The following TAFA2 variants were observed in gnomAD, a reference collection of about 807,000 sequenced individuals.
TAFA2 encodes the protein chemokine-like protein TAFA-2.
A neutral mutation model predicts 18.8 loss-of-function variants in TAFA2; 7 were observed. The ratio of observed to expected loss-of-function variants is 0.37; its 90% CI spans 0.21 to 0.70. TAFA2 has a LOEUF of 0.70. Among genes scored for constraint, TAFA2 ranks in the 30% least tolerant of loss-of-function variants. The probability of loss-of-function intolerance (pLI) is 0.53; values close to 1 mark genes in which losing one functional copy is unlikely to be tolerated. For synonymous variants in TAFA2, 60 were observed against 54.2 expected (o/e 1.11, Z -0.47); for missense variants, 122 against 158.1 (o/e 0.77, Z 1.23).
chr12:61,834,981 T>G (rs1872860603), intron 2 of TAFA2, among the ~76,000 whole-genome samples: 1 of 151,988 alleles, frequency 6.6e-6, no homozygotes, highest in South Asian at 2.1e-4. Context: ...TAATTTTTCT[T>G]CCTCTGTGAC....
At chr12:61,927,836 G>C (rs2121385048) in intron 1 of TAFA2, among the ~76,000 whole-genome samples, 1 of 152,238 alleles carries the variant, frequency 6.6e-6, no homozygotes, top group South Asian at 2.1e-4. Context: ...AAACAGAACA[G>C]AGGCCTCAGA....
intron 1 of TAFA2, among the ~76,000 whole-genome samples, chr12:62,041,049 T>C (rs1881743889): frequency 6.6e-6 from 1 of 152,186 alleles, no homozygotes; most frequent in African/African-American, 2.4e-5. Flanking sequence ...ACCGTTTTTA[T>C]CATTTGTTCT....
At chr12:61,876,824 TTCTC>T (rs71872168) in intron 1 of TAFA2, among the ~76,000 whole-genome samples, 3,628 of 152,302 alleles carry the variant, frequency 0.024, 71 homozygotes, top group Non-Finnish European at 0.032. Context: ...GAATTCACAC[TTCTC>T]TCTGAGAATA....
At chr12:61,901,259 C>CTTT (rs1203233805) in intron 1 of TAFA2, among the ~76,000 whole-genome samples, 8 of 10,900 alleles carry the variant, frequency 7.3e-4, no homozygotes, top group South Asian at 2.1e-3. Flanking sequence ...TTCAATTTCA[C>CTTT]TTTTTTTTTT....
chr12:61,782,060 T>C (rs75639771), intron 2 of TAFA2, among the ~76,000 whole-genome samples: 6,919 of 151,654 alleles, frequency 0.046, 497 homozygotes, highest in African/African-American at 0.16. Flanking sequence ...AATACATGCC[T>C]ACTAAAGATG....
At chr12:61,867,198 C>A in intron 2 of TAFA2, 122 bp downstream of exon 2, 1 of 639,946 alleles carries the variant, frequency 1.6e-6, no homozygotes, top group African/African-American at 1.9e-5. Context: ...TTAAAGAAAA[C>A]TGCCAGGGGG....
chr12:61,952,647 CTCT>C (rs1349734125), intron 1 of TAFA2, among the ~76,000 whole-genome samples: 3 of 152,094 alleles, frequency 2.0e-5, no homozygotes, highest in Non-Finnish European at 1.5e-5. Context: ...ACGTCTTTAT[CTCT>C]TTATATATAA....
chr12:61,887,555 G>A (rs1311217860), intron 1 of TAFA2, among the ~76,000 whole-genome samples: 2 of 149,368 alleles, frequency 1.3e-5, no homozygotes, highest in South Asian at 2.2e-4. Flanking sequence ...TCTAGCATTA[G>A]GTATATCTCC....
intron 1 of TAFA2, among the ~76,000 whole-genome samples, chr12:62,221,657 T>C (rs925304361): frequency 1.1e-4 from 17 of 152,314 alleles, no homozygotes; most frequent in African/African-American, 4.1e-4. Context: ...CCCTAACCTC[T>C]CATTGATTCA....
Position 61,949,217 on chromosome 12 carries a change from G to A in TAFA2, c.-1-81791C>T, listed in dbSNP as rs1583846. 9.6e-3 allele frequency among the ~76,000 whole-genome samples: 1,466 copies of A among 152,198 alleles called. 38 individuals carry two copies. The highest frequency in any genetic ancestry group is 0.033 in the African/African-American group (1,380 of 41,524). On this transcript the variant is annotated intron_variant, in intron 1 of 4. Coordinates refer to ENST00000416284, the MANE Select transcript of TAFA2 (RefSeq NM_178539.5). ...AGGCTGACCCTCCCATGAGTAAGAG[G>A]GAACATGTTCTGCTTGACTGTGTGA...
chr12:61,719,168 C>G (rs985259689), intron 4 of TAFA2, among the ~76,000 whole-genome samples: 1 of 152,162 alleles, frequency 6.6e-6, no homozygotes, highest in Non-Finnish European at 1.5e-5. Flanking sequence ...TTAAGCCAAG[C>G]TAACTTTGGA....
intron 1 of TAFA2, among the ~76,000 whole-genome samples, chr12:61,938,230 T>TAAA (rs1157161976): frequency 0.054 from 5,277 of 98,248 alleles, 192 homozygotes; most frequent in African/African-American, 0.11. Context: ...ATAGATATGG[T>TAAA]AAAAAAAAAA....
chr12:62,104,274 A>T, intron 1 of TAFA2, among the ~76,000 whole-genome samples: 1 of 11,032 alleles, frequency 9.1e-5, no homozygotes, highest in Non-Finnish European at 2.5e-4. Flanking sequence ...GTTCTTCTGA[A>T]GCAAAAAAAA....
At chr12:61,860,046 A>G (rs1874064367) in intron 2 of TAFA2, among the ~76,000 whole-genome samples, 1 of 152,236 alleles carries the variant, frequency 6.6e-6, no homozygotes, top group African/African-American at 2.4e-5. Context: ...AACTCAGAGT[A>G]ACATAATCTC....
At chr12:61,885,765 T>C (rs1875347597) in intron 1 of TAFA2, among the ~76,000 whole-genome samples, 1 of 152,218 alleles carries the variant, frequency 6.6e-6, no homozygotes, top group African/African-American at 2.4e-5. Flanking sequence ...CTTATAAGCA[T>C]TGCTCTTTTC....
chr12:62,199,377 AG>A (rs1280754885), intron 1 of TAFA2, among the ~76,000 whole-genome samples: 2 of 152,100 alleles, frequency 1.3e-5, no homozygotes, highest in East Asian at 3.9e-4. Context: ...CAACGCCATC[AG>A]GCCCCTGTGT....
chr12:61,747,582 G>A (rs1390069195), intron 4 of TAFA2, among the ~76,000 whole-genome samples: 1 of 150,892 alleles, frequency 6.6e-6, no homozygotes, highest in Non-Finnish European at 1.5e-5. Context: ...GGATGAAACT[G>A]GAAATCATCA....
At chr12:61,754,479 AT>A (rs1400105108) in intron 3 of TAFA2, among the ~76,000 whole-genome samples, 6 of 151,650 alleles carry the variant, frequency 4.0e-5, no homozygotes, top group South Asian at 2.1e-4. Context: ...ACATGGTGCT[AT>A]TTTTTTTAAT....
At chr12:62,048,284 C>T (rs186470525) in intron 1 of TAFA2, among the ~76,000 whole-genome samples, 46 of 152,252 alleles carry the variant, frequency 3.0e-4, no homozygotes, top group African/African-American at 1.1e-3. Context: ...ACCTTCTTGC[C>T]AAGGAAGCAG....
Sources: gnomAD v4.1 joint callset for allele counts (sites outside exome capture counted in the v4.1 genomes callset) on GRCh38, gnomAD v4.1.1 for gene constraint, MANE v1.5 for transcripts, NCBI Gene and HGNC (gene_info 2026-07-23, HGNC 2026-07-21) for gene names.